The following KIAA1217 variants were observed in gnomAD, a reference collection of about 807,000 sequenced individuals.
The protein encoded by KIAA1217 is sickle tail protein homolog.
KIAA1217 carries 88 observed loss-of-function variants against 163.9 expected under a neutral mutation model. That is an observed-to-expected ratio of 0.54 (90% CI 0.45 to 0.64). The LOEUF is 0.64. Ranked by LOEUF, KIAA1217 falls within the 30% of genes least tolerant of loss-of-function variation. KIAA1217 has a pLI of 0.00. For synonymous variants in KIAA1217, 903 were observed against 923.1 expected (o/e 0.98, Z 0.39); for missense variants, 2,372 against 2,475.0 (o/e 0.96, Z 0.88).
intron 1 of KIAA1217, among the ~76,000 whole-genome samples, chr10:23,761,132 A>C (rs1834244534): frequency 6.6e-6 from 1 of 152,070 alleles, no homozygotes; most frequent in Non-Finnish European, 1.5e-5. Flanking sequence ...TGGGCATTAT[A>C]GGGCACACCT....
intron 2 of KIAA1217, among the ~76,000 whole-genome samples, chr10:24,322,521 G>A (rs1282129781): frequency 1.3e-5 from 2 of 152,188 alleles, no homozygotes; most frequent in Non-Finnish European, 2.9e-5. Flanking sequence ...CTAAGGAATT[G>A]TTTCAGTGAT....
At chr10:23,718,330 T>A (rs1032927238) in intron 1 of KIAA1217, among the ~76,000 whole-genome samples, 7 of 152,242 alleles carry the variant, frequency 4.6e-5, no homozygotes, top group Non-Finnish European at 1.0e-4. Flanking sequence ...TTGTTTCTTT[T>A]TGGAAATATT....
At chr10:24,136,450 C>T (rs2063834922) in intron 2 of KIAA1217, among the ~76,000 whole-genome samples, 1 of 134,368 alleles carries the variant, frequency 7.4e-6, no homozygotes, top group Admixed American at 7.3e-5. Context: ...TTATTCAGTG[C>T]TTATCTTTTA....
chr10:24,086,879 C>T (rs763394535), intron 2 of KIAA1217, among the ~76,000 whole-genome samples: 25 of 152,162 alleles, frequency 1.6e-4, no homozygotes, highest in Non-Finnish European at 7.3e-5. Flanking sequence ...ATGCCTGTTT[C>T]CTCCATTTGT....
chr10:24,376,170 A>C (rs915459784), intron 2 of KIAA1217, among the ~76,000 whole-genome samples: 6 of 152,268 alleles, frequency 3.9e-5, no homozygotes, highest in Non-Finnish European at 7.3e-5. Flanking sequence ...ACTTGAGGAC[A>C]TAAATGCGGA....
chr10:23,776,549 T>A (rs1303508047), intron 1 of KIAA1217, among the ~76,000 whole-genome samples: 1 of 151,228 alleles, frequency 6.6e-6, no homozygotes, highest in Non-Finnish European at 1.5e-5. Context: ...ATAATCTCAA[T>A]AAAATAATAT....
chr10:24,349,284 A>T (rs767409575), intron 2 of KIAA1217, among the ~76,000 whole-genome samples: 2 of 152,228 alleles, frequency 1.3e-5, no homozygotes, highest in Non-Finnish European at 2.9e-5. Flanking sequence ...AAAAACCATG[A>T]CTACCAGAAT....
chr10:24,371,962 A>G (rs55733444), intron 2 of KIAA1217, among the ~76,000 whole-genome samples: 16,320 of 152,216 alleles, frequency 0.11, 1,028 homozygotes, highest in South Asian at 0.29. Context: ...AGAAAACCCA[A>G]TGCAGCATGT....
chr10:24,014,728 T>A (rs1235422163), intron 2 of KIAA1217, among the ~76,000 whole-genome samples: 3 of 152,076 alleles, frequency 2.0e-5, no homozygotes, highest in Admixed American at 1.3e-4. Context: ...TTGGAAAAAA[T>A]TAGTGTTTTT....
intron 17 of KIAA1217, among the ~76,000 whole-genome samples, chr10:24,539,323 G>T (rs190827841): frequency 4.9e-4 from 74 of 151,718 alleles, no homozygotes; most frequent in Non-Finnish European, 8.8e-4. Context: ...CCCCCTCCCC[G>T]GTTCAAGTGA....
intron 2 of KIAA1217, among the ~76,000 whole-genome samples, chr10:24,187,850 A>G (rs754595772): frequency 4.6e-5 from 7 of 151,734 alleles, no homozygotes; most frequent in Non-Finnish European, 1.0e-4. Flanking sequence ...AGATCGCACC[A>G]TTGCATTCCA....
chr10:23,730,156 C>A (rs891196413), intron 1 of KIAA1217, among the ~76,000 whole-genome samples: 3 of 152,194 alleles, frequency 2.0e-5, no homozygotes, highest in Admixed American at 1.3e-4. Context: ...CCGCCTCGGC[C>A]TCCCAAAGTG....
chr10:23,819,315 G>C (rs1588884992), intron 1 of KIAA1217, among the ~76,000 whole-genome samples: 2 of 152,102 alleles, frequency 1.3e-5, no homozygotes, highest in Non-Finnish European at 1.5e-5. Context: ...TCCTCCAAGA[G>C]GTCTTCTTGA....
intron 2 of KIAA1217, among the ~76,000 whole-genome samples, chr10:24,126,951 G>T (rs1478047652): frequency 1.3e-5 from 2 of 151,886 alleles, no homozygotes; most frequent in East Asian, 3.9e-4. Flanking sequence ...TTACACCTGG[G>T]TCTCTCTTTT....
chr10:24,469,529 G>T (rs1022667593), intron 5 of KIAA1217, among the ~76,000 whole-genome samples: 1 of 152,134 alleles, frequency 6.6e-6, no homozygotes, highest in Non-Finnish European at 1.5e-5. Flanking sequence ...TCTGAAGGTG[G>T]CTAAGGAAGG....
intron 2 of KIAA1217, among the ~76,000 whole-genome samples, chr10:24,048,799 G>T (rs1255631055): frequency 6.6e-6 from 1 of 151,236 alleles, no homozygotes; most frequent in Non-Finnish European, 1.5e-5. Context: ...TTGGGCGGCC[G>T]AGGCGGGTGG....
intron 2 of KIAA1217, among the ~76,000 whole-genome samples, chr10:24,185,917 T>A (rs2066407960): frequency 6.6e-6 from 1 of 151,404 alleles, no homozygotes; most frequent in Non-Finnish European, 1.5e-5. Flanking sequence ...TGAGCTGAGA[T>A]CCCACCACTA....
intron 2 of KIAA1217, among the ~76,000 whole-genome samples, chr10:24,037,445 G>A (rs532435633): frequency 1.4e-4 from 21 of 152,288 alleles, no homozygotes; most frequent in Non-Finnish European, 1.8e-4. Flanking sequence ...AGCCAAGATC[G>A]CACCACTGCA....
At chr10:24,404,040 C>T (rs2056883967) in intron 3 of KIAA1217, among the ~76,000 whole-genome samples, 2 of 152,264 alleles carry the variant, frequency 1.3e-5, no homozygotes, top group African/African-American at 4.8e-5. Context: ...CCACCATAGC[C>T]CCCATCTCCC....
Sources: gnomAD v4.1 joint callset for allele counts (sites outside exome capture counted in the v4.1 genomes callset) on GRCh38, gnomAD v4.1.1 for gene constraint, MANE v1.5 for transcripts, NCBI Gene and HGNC (gene_info 2026-07-23, HGNC 2026-07-21) for gene names.